ROPN1L: variants seen among roughly 807,000 people sequenced by gnomAD.
ROPN1L encodes rhophilin associated tail protein 1 like.
A neutral mutation model predicts 22.7 loss-of-function variants in ROPN1L; 23 were observed. That is an observed-to-expected ratio of 1.01 (90% confidence interval 0.73 to 1.43). ROPN1L has a LOEUF of 1.43. ROPN1L is among the 40% of genes most tolerant of loss of function. The pLI is 0.00. For missense variants in ROPN1L, 271 were observed against 291.5 expected (o/e 0.93, Z 0.51); for synonymous variants, 116 against 117.8 (o/e 0.98, Z 0.10).
Position 10,461,197 on chromosome 5 carries a change from C to T in ROPN1L, c.431C>T (p.Ala144Val), listed in dbSNP as rs775431185. ...TGGTGCTCCCAGTCCTTGAACACTG[C>T]GCTGAAGCACCTGTGCGAGATCCTC... ...CSMLGGSLNTALKHLCEILTD... is the reference protein window; with the variant it reads ...CSMLGGSLNTVLKHLCEILTD... Residue 144 changes from alanine (A) to valine (V), a missense_variant, in exon 4 of 5, where the codon GCG becomes GTG. Ala to Val is a moderately conservative substitution (Grantham distance 64). Coordinates refer to ENST00000274134, the MANE Select transcript of ROPN1L (RefSeq NM_031916.5). 2.7e-5 allele frequency: 44 copies of T among 1,613,490 alleles called. No homozygotes were observed. Among genetic ancestry groups the T allele is most frequent in the South Asian group, 1.4e-4 (13 of 91,052 alleles).
intron 1 of ROPN1L, among the ~76,000 whole-genome samples, chr5:10,446,986 A>G (rs6858924): frequency 0.035 from 5,385 of 152,360 alleles, 138 homozygotes; most frequent in Non-Finnish European, 0.057. Context: ...TTACAAAGCA[A>G]GGAAACAAAG....
intron 1 of ROPN1L, among the ~76,000 whole-genome samples, chr5:10,445,755 G>T (rs1204549667): frequency 1.3e-5 from 2 of 152,086 alleles, no homozygotes; most frequent in Non-Finnish European, 2.9e-5. Flanking sequence ...GCAAGACCTT[G>T]TCTGTACTAA....
the ROPN1L span, among the ~76,000 whole-genome samples, chr5:10,479,630 C>T: frequency 6.6e-6 from 1 of 152,226 alleles, no homozygotes; most frequent in African/African-American, 2.4e-5. Flanking sequence ...GGCGTCTCAC[C>T]TTGTGACTAT....
chr5:10,471,208 G>T (rs981891863), intron 4 of ROPN1L, among the ~76,000 whole-genome samples: 1 of 152,092 alleles, frequency 6.6e-6, no homozygotes, highest in African/African-American at 2.4e-5. Context: ...TGTGATTTTG[G>T]TTCACCTCAA....
downstream of ROPN1L, among the ~76,000 whole-genome samples, chr5:10,474,355 C>T (rs1474183916): frequency 6.6e-6 from 1 of 152,036 alleles, no homozygotes; most frequent in African/African-American, 2.4e-5. Flanking sequence ...GGACAATTAC[C>T]CCCTCGATTG....
At chr5:10,455,582 A>G (rs1176528542) in intron 3 of ROPN1L, among the ~76,000 whole-genome samples, 1 of 151,696 alleles carries the variant, frequency 6.6e-6, no homozygotes, top group Non-Finnish European at 1.5e-5. Flanking sequence ...TGGGCCGCTG[A>G]TGCGGGCCGC....
At chr5:10,478,096 T>C in the ROPN1L span, 1 of 152,456 alleles carries the variant, frequency 6.6e-6, no homozygotes, top group Non-Finnish European at 1.5e-5. Context: ...GAGCCAGAGA[T>C]GGTGGGTTCT....
At chr5:10,446,344 C>T (rs1741061774) in intron 1 of ROPN1L, among the ~76,000 whole-genome samples, 1 of 152,162 alleles carries the variant, frequency 6.6e-6, no homozygotes, top group Non-Finnish European at 1.5e-5. Context: ...GAGTACCATC[C>T]ACCCTCTGTT....
chr5:10,442,925 T>G (rs1476444501), intron 1 of ROPN1L, among the ~76,000 whole-genome samples: 5 of 152,242 alleles, frequency 3.3e-5, no homozygotes, highest in Non-Finnish European at 7.3e-5. Flanking sequence ...CTTAGAGGCA[T>G]TAAAAGAAAT....
chr5:10,453,321 C>T (rs1380789827), intron 3 of ROPN1L, among the ~76,000 whole-genome samples: 1 of 152,108 alleles, frequency 6.6e-6, no homozygotes, highest in African/African-American at 2.4e-5. Flanking sequence ...AAACACCTGT[C>T]TCGGGGTGCG....
At chr5:10,449,237 G>T (rs1389025267) in intron 2 of ROPN1L, among the ~76,000 whole-genome samples, 3 of 152,226 alleles carry the variant, frequency 2.0e-5, no homozygotes, top group Non-Finnish European at 4.4e-5. Flanking sequence ...GTAGAAGGAA[G>T]GCCGGGCATG....
chr5:10,446,089 T>TGACACC (rs1440496383), intron 1 of ROPN1L, among the ~76,000 whole-genome samples: 3 of 152,236 alleles, frequency 2.0e-5, no homozygotes, highest in Non-Finnish European at 4.4e-5. Context: ...CTGTTCCTTA[T>TGACACC]GACACCATTG....
the ROPN1L span, among the ~76,000 whole-genome samples, chr5:10,479,779 CTTG>C: frequency 2.0e-5 from 3 of 151,662 alleles, no homozygotes; most frequent in African/African-American, 4.8e-5. Flanking sequence ...CGGAGTTTCT[CTTG>C]TTGTCCAGGC....
In ROPN1L at chr5:10,461,573, A is replaced by G. The variant is rs553153497; in HGVS notation, c.593+214A>G. 5.4e-5 allele frequency: 28 copies of G among 519,732 alleles called. No individual in the cohort carries two copies. The South Asian group carries it at 6.0e-4, about 11-fold the overall frequency. 32.2% of individuals were successfully genotyped at this position (519,732 alleles called of 1,614,324 possible). Reference sequence around the variant, plus strand: ...CAGCAGACACCAGCTGTGCATTCTCATTCCGTCTCTACCCTGTCTACCTGG... The same window carrying G: ...CAGCAGACACCAGCTGTGCATTCTCGTTCCGTCTCTACCCTGTCTACCTGG... On this transcript the variant is annotated intron_variant, in intron 4 of 4. Transcript: ENST00000274134.
At chr5:10,472,027 G>A (rs939159551) in exon 5 of ROPN1L, 1 of 152,136 alleles carries the variant, frequency 6.6e-6, no homozygotes, top group Non-Finnish European at 1.5e-5. Flanking sequence ...ATGCGGTGGG[G>A]GAGACTCATA....
the ROPN1L span, chr5:10,479,300 G>A: frequency 1.3e-5 from 2 of 152,228 alleles, no homozygotes; most frequent in East Asian, 3.8e-4. Context: ...CTGTGAGTGA[G>A]TCAGTGCTAG....
At chr5:10,450,963 A>G (rs914267501) in intron 3 of ROPN1L, among the ~76,000 whole-genome samples, 3 of 152,208 alleles carry the variant, frequency 2.0e-5, no homozygotes, top group Non-Finnish European at 1.5e-5. Flanking sequence ...TGATGTTGGC[A>G]GGGCTTCCTT....
chr5:10,473,607 C>T (rs1175423555), downstream of ROPN1L, among the ~76,000 whole-genome samples: 1 of 152,186 alleles, frequency 6.6e-6, no homozygotes, highest in Admixed American at 6.5e-5. Context: ...GTTTCAACAA[C>T]CCTAGGAAAT....
intron 4 of ROPN1L, among the ~76,000 whole-genome samples, chr5:10,463,821 A>G (rs1223220421): frequency 6.6e-6 from 1 of 152,166 alleles, no homozygotes; most frequent in Non-Finnish European, 1.5e-5. Flanking sequence ...GAGGACAGTA[A>G]GCCAGGGATA....
Sources: gnomAD v4.1 joint callset for allele counts (sites outside exome capture counted in the v4.1 genomes callset) on GRCh38, gnomAD v4.1.1 for gene constraint, MANE v1.5 for transcripts, NCBI Gene and HGNC (gene_info 2026-07-23, HGNC 2026-07-21) for gene names.